PEAK1: variants seen among roughly 807,000 people sequenced by gnomAD.
PEAK1 encodes the protein inactive tyrosine-protein kinase PEAK1.
Under a neutral mutation model 124.7 loss-of-function variants are expected in PEAK1, and 54 were observed. That is an observed-to-expected ratio of 0.43 (90% CI 0.35 to 0.54). PEAK1 has a LOEUF of 0.54. Ranked by LOEUF, PEAK1 falls within the 20% of genes least tolerant of loss-of-function variation. The probability of loss-of-function intolerance (pLI) is 0.01; values close to 1 mark genes in which losing one functional copy is unlikely to be tolerated. For missense variants in PEAK1, 2,046 were observed against 2,134.5 expected, an observed-to-expected ratio of 0.96 and a Z score of 0.82; for synonymous variants, 719 against 760.0, an observed-to-expected ratio of 0.95 and a Z score of 0.89.
At chr15:77,206,978 G>A (rs796836918) in intron 6 of PEAK1, among the ~76,000 whole-genome samples, 4 of 152,118 alleles carry the variant, frequency 2.6e-5, no homozygotes, top group African/African-American at 9.7e-5. Context: ...ACAACTGTCT[G>A]ATCTTTGACA....
At chr15:77,224,147 A>G (rs539479969) in intron 6 of PEAK1, among the ~76,000 whole-genome samples, 1 of 149,776 alleles carries the variant, frequency 6.7e-6, no homozygotes, top group East Asian at 1.9e-4. Context: ...TTTTTTTTCT[A>G]CTTTAAGAAT....
At chr15:77,289,564 A>C (rs1390221609) in intron 2 of PEAK1, among the ~76,000 whole-genome samples, 3 of 152,162 alleles carry the variant, frequency 2.0e-5, no homozygotes, top group African/African-American at 7.2e-5. Context: ...GACCGGGTGC[A>C]GTGCCTCACG....
rs769941606 is a variant in PEAK1, at chr15:77,180,587, G to C, written c.1340C>G (p.Ala447Gly). ...TGTGGGGACAAGGTTTATGGTTACT[G>C]CTTGCCCAGCAACATCTGTAGAGGC... Reference protein sequence around the residue: ...SKASTDVAGQAVTINLVPTEE... With the variant: ...SKASTDVAGQGVTINLVPTEE... Residue 447 changes from alanine (A) to glycine (G), a missense_variant, in exon 7 of 10, where the codon GCA becomes GGA. Ala to Gly is a moderately conservative substitution (Grantham distance 60). Transcript: ENST00000682557. 5 of 1,613,960 alleles carry C rather than the reference G, an allele frequency of 3.1e-6. No individual in the cohort carries two copies. The South Asian group carries it at 5.5e-5, about 18-fold the overall frequency.
At chr15:77,349,202 G>A in intron 2 of PEAK1, 1 of 392,752 alleles carries the variant, frequency 2.5e-6, no homozygotes, top group Non-Finnish European at 3.5e-6. Context: ...ACCATGCCTG[G>A]CTAATTTTTT....
chr15:77,250,444 G>GT (rs2060827216), intron 6 of PEAK1, among the ~76,000 whole-genome samples: 1 of 149,182 alleles, frequency 6.7e-6, no homozygotes, highest in African/African-American at 2.5e-5. Context: ...TTTGTTTTTT[G>GT]TTTTTTGAGA....
At chr15:77,132,695 C>CA (rs35561271) in intron 9 of PEAK1, among the ~76,000 whole-genome samples, 26,243 of 100,046 alleles carry the variant, frequency 0.26, 3,138 homozygotes, top group Middle Eastern at 0.33. Flanking sequence ...AACTCCATCT[C>CA]AAAAAAAAAA....
chr15:77,198,485 T>C (rs973026048), intron 6 of PEAK1, among the ~76,000 whole-genome samples: 3 of 152,176 alleles, frequency 2.0e-5, no homozygotes, highest in African/African-American at 7.2e-5. Context: ...GGTCTGTAGC[T>C]TTAACTGCCC....
chr15:77,351,587 G>T, intron 2 of PEAK1: 2 of 460,446 alleles, frequency 4.3e-6, no homozygotes, highest in Non-Finnish European at 5.7e-6. Context: ...GGGCCTTTGA[G>T]CCCGTATGCT....
At chr15:77,248,235 T>C (rs891240854) in intron 6 of PEAK1, among the ~76,000 whole-genome samples, 2 of 152,076 alleles carry the variant, frequency 1.3e-5, no homozygotes, top group Non-Finnish European at 2.9e-5. Flanking sequence ...GTAGTTGAGA[T>C]GAGGTTGTGG....
intron 9 of PEAK1, among the ~76,000 whole-genome samples, chr15:77,123,798 G>A (rs1409532768): frequency 2.0e-5 from 3 of 152,132 alleles, no homozygotes; most frequent in East Asian, 1.9e-4. Flanking sequence ...TTTACTTTGC[G>A]AGCAGGAATA....
At chr15:77,209,879 G>A (rs566880070) in intron 6 of PEAK1, among the ~76,000 whole-genome samples, 16 of 152,126 alleles carry the variant, frequency 1.1e-4, no homozygotes, top group Non-Finnish European at 1.9e-4. Flanking sequence ...TCATATTTCC[G>A]GCCTCCTGAA....
chr15:77,123,623 G>T (rs953924587), intron 9 of PEAK1, among the ~76,000 whole-genome samples: 1 of 152,132 alleles, frequency 6.6e-6, no homozygotes, highest in East Asian at 1.9e-4. Context: ...GGATATGAGG[G>T]ATTAGTCTAC....
Position 77,139,745 on chromosome 15 carries a change from A to G in PEAK1, c.3332-5995T>C, listed in dbSNP as rs111703307. ...CCTCTTTTCTCCACCCATGTCATGT[A>G]GTAATATTTTTATAAGTAATAGAAC... On this transcript the variant is annotated intron_variant, in intron 8 of 9. Coordinates refer to ENST00000682557, the MANE Select transcript of PEAK1 (RefSeq NM_001385026.1). Among the ~76,000 whole-genome samples, 721 of 152,336 alleles carry G rather than the reference A, an allele frequency of 4.7e-3. 8 individuals are homozygous for G. The highest frequency in any genetic ancestry group is 0.016 in the African/African-American group (673 of 41,594).
At chr15:77,292,903 T>C (rs1334373929) in intron 2 of PEAK1, among the ~76,000 whole-genome samples, 1 of 152,182 alleles carries the variant, frequency 6.6e-6, no homozygotes, top group Non-Finnish European at 1.5e-5. Context: ...GAGATTCTCT[T>C]ATGATCCAGT....
At chr15:77,420,895 AGAC>A, upstream of PEAK1, 2 of 398,800 alleles carry the variant, frequency 5.0e-6, no homozygotes, top group East Asian at 3.6e-5. Context: ...TCCAGCTGTG[AGAC>A]GACGAGTGCG....
chr15:77,209,732 G>A (rs898320708), intron 6 of PEAK1, among the ~76,000 whole-genome samples: 1 of 152,050 alleles, frequency 6.6e-6, no homozygotes, highest in Non-Finnish European at 1.5e-5. Context: ...GGGTGTGGTA[G>A]GCAGAATAAT....
At chr15:77,148,171 T>C (rs1223722407) in intron 8 of PEAK1, among the ~76,000 whole-genome samples, 1 of 152,168 alleles carries the variant, frequency 6.6e-6, no homozygotes, top group African/African-American at 2.4e-5. Context: ...AGGAGCTCTT[T>C]GTGGGAATGG....
intron 9 of PEAK1, among the ~76,000 whole-genome samples, chr15:77,124,735 CT>C (rs1240592706): frequency 6.6e-6 from 1 of 152,182 alleles, no homozygotes; most frequent in Non-Finnish European, 1.5e-5. Context: ...TACTTAGTGG[CT>C]TCCCACAAAA....
intron 6 of PEAK1, among the ~76,000 whole-genome samples, chr15:77,197,982 G>T (rs542642692): frequency 6.6e-6 from 1 of 151,650 alleles, no homozygotes; most frequent in Non-Finnish European, 1.5e-5. Context: ...TAAAATATAT[G>T]GATAGTATAT....
Sources: gnomAD v4.1 joint callset for allele counts (sites outside exome capture counted in the v4.1 genomes callset) on GRCh38, gnomAD v4.1.1 for gene constraint, MANE v1.5 for transcripts, NCBI Gene and HGNC (gene_info 2026-07-23, HGNC 2026-07-21) for gene names.